The following CEP43 variants were observed in gnomAD, a reference collection of about 807,000 sequenced individuals.
The protein encoded by CEP43 is FGFR1 oncogene partner.
In CEP43, 36 loss-of-function variants were observed where a neutral mutation model predicts 52.6. That is an observed-to-expected ratio of 0.68 (90% CI 0.52 to 0.90). The LOEUF is 0.90. Among genes scored for constraint, CEP43 ranks in the 40% least tolerant of loss-of-function variants. The probability of loss-of-function intolerance (pLI) is 0.00; values close to 1 mark genes in which losing one functional copy is unlikely to be tolerated. For synonymous variants in CEP43, 192 were observed against 172.4 expected, an observed-to-expected ratio of 1.11 and a Z score of -0.89; for missense variants, 506 against 472.8, an observed-to-expected ratio of 1.07 and a Z score of -0.65.
At chr6:167,028,511 GT>G in intron 10 of CEP43, 1 of 984,868 alleles carries the variant, frequency 1.0e-6, no homozygotes, top group Non-Finnish European at 1.2e-6. Flanking sequence ...CAACAATGTT[GT>G]TTTCTGTTTG....
At chr6:167,036,105 A>G (rs1009625667) in intron 12 of CEP43, 26 of 985,418 alleles carry the variant, frequency 2.6e-5, no homozygotes, top group Middle Eastern at 5.2e-4. Flanking sequence ...AGCCATGTAC[A>G]CAAACATAGG....
intron 10 of CEP43, among the ~76,000 whole-genome samples, chr6:167,032,166 C>T (rs993740588): frequency 2.3e-4 from 35 of 152,212 alleles, no homozygotes; most frequent in African/African-American, 8.2e-4. Flanking sequence ...TGAAGGTGCC[C>T]TTATTTGCTG....
At chr6:167,005,554 G>A (rs1218616969) in intron 5 of CEP43, among the ~76,000 whole-genome samples, 1 of 152,242 alleles carries the variant, frequency 6.6e-6, no homozygotes, top group Non-Finnish European at 1.5e-5. Flanking sequence ...TGCCAGCCAA[G>A]CGTGGGAGCA....
Position 167,047,504 on chromosome 6 carries a change from C to G in CEP43, c.*7526C>G, listed in dbSNP as rs1780814943. 1 of 152,154 alleles carries G rather than the reference C, an allele frequency of 6.6e-6. No homozygotes were observed. 9.4% of individuals were successfully genotyped at this position (152,154 alleles called of 1,614,324 possible). ...GGTCTTAAGTAATGCCCACAGAGAG[C>G]TTAGCATTGTTCTTGGCAAGTCACT... On this transcript the variant is annotated 3_prime_UTR_variant, in exon 13 of 13. Coordinates refer to ENST00000366847, the MANE Select transcript of CEP43 (RefSeq NM_007045.4).
chr6:167,002,900 A>G (rs1779769765), intron 2 of CEP43, among the ~76,000 whole-genome samples: 1 of 152,256 alleles, frequency 6.6e-6, no homozygotes, highest in South Asian at 2.1e-4. Flanking sequence ...TGTATTTGAA[A>G]TAATAAACAG....
chr6:167,040,303 C>A lies in CEP43; in HGVS notation c.*325C>A. On this transcript the variant is annotated 3_prime_UTR_variant, in exon 13 of 13. Transcript: ENST00000366847. ...GCATGATGAAAGGTGTCAATAAAGC[C>A]GTAGGATCGCGCAACCCTTTGTGTG... 2.8e-6 allele frequency: 4 copies of A among 1,445,816 alleles called. No homozygotes were observed. Among genetic ancestry groups the A allele is most frequent in the Non-Finnish European group, 3.6e-6 (4 of 1,107,938 alleles). The allele number at this position is 1,445,816 out of a possible 1,614,324, so 89.6% of individuals were successfully genotyped here.
At chr6:167,035,523 C>G (rs915503162) in intron 12 of CEP43, among the ~76,000 whole-genome samples, 1 of 151,426 alleles carries the variant, frequency 6.6e-6, no homozygotes, top group African/African-American at 2.4e-5. Context: ...AGTTCTGGAG[C>G]TGCTACTTAC....
At chr6:167,026,505 A>G (rs763638175) in intron 9 of CEP43, 42 bp from the exon 10 acceptor site, 2 of 1,251,816 alleles carry the variant, frequency 1.6e-6, no homozygotes, top group Non-Finnish European at 2.3e-6. Flanking sequence ...AGACTGTTAT[A>G]TTCTAAGTCA....
rs774070612 is a variant in CEP43, at chr6:167,022,480, T to C, written c.651T>C (p.Leu217=). The C allele has an allele frequency of 6.2e-7, 1 of 1,614,176 alleles. No individual in the cohort carries two copies. The highest frequency in any genetic ancestry group is 1.3e-5 in the African/African-American group (1 of 75,056). Reference sequence around the variant, plus strand: ...CAGAACCCAAGAGCAAAAGCAGCCTTCACTTACTGTCCCATGAAACAAAAA... The same window carrying C: ...CAGAACCCAAGAGCAAAAGCAGCCTCCACTTACTGTCCCATGAAACAAAAA... ...SLSEPKSKSS[L]HLLSHETKIG... is the part of the protein sequence containing the mutation. The change falls in exon 8 of 13, where the codon CTT becomes CTC. Residue 217 remains leucine, a synonymous_variant. Transcript: ENST00000366847.
chr6:167,007,953 C>T (rs1356540445), intron 5 of CEP43, among the ~76,000 whole-genome samples: 1 of 152,206 alleles, frequency 6.6e-6, no homozygotes, highest in Non-Finnish European at 1.5e-5. Flanking sequence ...CTCATGCTTT[C>T]AGTCTGTCAT....
intron 2 of CEP43, among the ~76,000 whole-genome samples, chr6:167,001,268 T>A (rs1779729919): frequency 6.6e-6 from 1 of 152,260 alleles, no homozygotes; most frequent in African/African-American, 2.4e-5. Context: ...CTCTGTCTTG[T>A]GTATACTTTC....
intron 7 of CEP43, 134 bp from the exon 8 acceptor site, chr6:167,022,259 AACACACACACACACAC>A (rs35327997): frequency 1.7e-5 from 9 of 544,772 alleles, no homozygotes; most frequent in African/African-American, 6.0e-5. Flanking sequence ...GAGCTGCCCC[AACACACACACACACAC>A]ACACACACAC....
At chr6:167,010,472 A>T (rs1779961013) in intron 5 of CEP43, among the ~76,000 whole-genome samples, 1 of 152,224 alleles carries the variant, frequency 6.6e-6, no homozygotes, top group Admixed American at 6.5e-5. Context: ...AGTAGATCTT[A>T]GAGAATTACA....
intron 7 of CEP43, among the ~76,000 whole-genome samples, chr6:167,014,090 A>AT (rs1780041751): frequency 6.6e-6 from 1 of 152,146 alleles, no homozygotes; most frequent in African/African-American, 2.4e-5. Context: ...TACTTTGAAA[A>AT]TTCCTGTTGT....
intron 12 of CEP43, among the ~76,000 whole-genome samples, chr6:167,035,601 CT>C (rs1780566920): frequency 6.7e-6 from 1 of 150,260 alleles, no homozygotes; most frequent in South Asian, 2.1e-4. Context: ...GAGTCTTGCT[CT>C]GTTGCCCAGG....
chr6:167,041,403 T>C lies in CEP43; in HGVS notation c.*1425T>C, dbSNP rs1780690872. Reference sequence around the variant, plus strand: ...CGGTACAGCCTGGGAGCCCTGTGTATTTCTGCCCTCCGTCTGTGAGCTGCT... The same window carrying C: ...CGGTACAGCCTGGGAGCCCTGTGTACTTCTGCCCTCCGTCTGTGAGCTGCT... On this transcript the variant is annotated 3_prime_UTR_variant, in exon 13 of 13. Coordinates refer to ENST00000366847, the MANE Select transcript of CEP43 (RefSeq NM_007045.4). 1 of 1,061,220 alleles carries C rather than the reference T, an allele frequency of 9.4e-7. No homozygotes were observed. Among genetic ancestry groups the C allele is most frequent in the South Asian group, 4.6e-5 (1 of 21,952 alleles). The allele number at this position is 1,061,220 out of a possible 1,614,324, so 65.7% of individuals were successfully genotyped here. A position where few individuals can be genotyped will look rare whatever the true frequency, so the allele number is the denominator to read the frequency against.
At chr6:167,033,128 T>TTTTTTTG in intron 11 of CEP43, among the ~76,000 whole-genome samples, 1 of 80,996 alleles carries the variant, frequency 1.2e-5, no homozygotes, top group Non-Finnish European at 2.4e-5. Flanking sequence ...TTTTTTTTTT[T>TTTTTTTG]GAGACAGAGT....
intron 7 of CEP43, among the ~76,000 whole-genome samples, 181 bp downstream of exon 7, chr6:167,013,748 C>T (rs1230354445): frequency 1.3e-5 from 2 of 152,102 alleles, no homozygotes; most frequent in Non-Finnish European, 2.9e-5. Flanking sequence ...CCAAGGCGGG[C>T]GGATCACTTG....
At chr6:167,011,392 G>A (rs1779981166) in intron 6 of CEP43, among the ~76,000 whole-genome samples, 1 of 152,102 alleles carries the variant, frequency 6.6e-6, no homozygotes, top group South Asian at 2.1e-4. Flanking sequence ...ATTTGTGTGT[G>A]TATGCATGTG....
Sources: allele counts gnomAD v4.1 joint callset (sites outside exome capture counted in the v4.1 genomes callset), GRCh38; gene constraint gnomAD v4.1.1; transcripts MANE v1.5; gene names NCBI Gene and HGNC (gene_info 2026-07-23, HGNC 2026-07-21).